The following SMG6 variants were observed in gnomAD, a reference collection of about 807,000 sequenced individuals.
SMG6 encodes SMG6 nonsense mediated mRNA decay factor, also known as telomerase-binding protein EST1A.
SMG6 carries 66 observed loss-of-function variants against 142.2 expected under a neutral mutation model. That is an observed-to-expected ratio of 0.46 (90% CI 0.38 to 0.57). The LOEUF is 0.57. SMG6 is among the 20% of genes least tolerant of loss of function. SMG6 has a pLI of 0.00. For missense variants in SMG6, 1,793 were observed against 1,832.0 expected (o/e 0.98, Z 0.39); for synonymous variants, 779 against 702.4 (o/e 1.11, Z -1.72).
intron 6 of SMG6, among the ~76,000 whole-genome samples, chr17:2,284,550 C>T (rs1008951805): frequency 1.3e-5 from 2 of 152,182 alleles, no homozygotes; most frequent in African/African-American, 2.4e-5. Context: ...TTTTCTCCAA[C>T]TTCATGTACA....
rs372038547 is a variant in SMG6 at position 2,186,693 on chromosome 17, G to A, written c.3125C>T (p.Pro1042Leu). The change falls in exon 12 of 19, where the codon CCT becomes CTT. Residue 1042 changes from proline to leucine, a missense_variant. This residue lies in a region of SMG6 where 1,597 missense variants were observed against 1,584.6 expected (regional missense o/e 1.01). Transcript: ENST00000263073. ...WMLGYPDTWN[P>L]PPTSLDLPSH... The stretch of plus-strand genomic sequence containing the variant: ...GGGCAGATCCAGGGATGTGGGAGGA[G>A]GATTCCAGGTGTCCGGGTAGCCGAG... The A allele has an allele frequency of 4.3e-6, 7 of 1,614,114 alleles. No homozygotes were observed. In the African/African-American group the frequency reaches 8.0e-5, roughly 18 times the overall value.
intron 7 of SMG6, 99 bp from the exon 8 acceptor site, chr17:2,282,958 G>GT: frequency 8.2e-7 from 1 of 1,226,238 alleles, no homozygotes; most frequent in African/African-American, 1.5e-5. Context: ...ATCACTTGAG[G>GT]TCAGGAGTTT....
intron 9 of SMG6, among the ~76,000 whole-genome samples, 175 bp downstream of exon 9, chr17:2,244,483 C>A (rs1312608407): frequency 6.6e-6 from 1 of 152,042 alleles, no homozygotes; most frequent in Admixed American, 6.5e-5. Context: ...GTAATATTTA[C>A]CAAATTTCAT....
intron 10 of SMG6, among the ~76,000 whole-genome samples, chr17:2,207,224 A>G (rs921152405): frequency 1.3e-5 from 2 of 151,890 alleles, no homozygotes; most frequent in African/African-American, 4.8e-5. Context: ...GGAAGCAGTG[A>G]GCCGAGGCCG....
At chr17:2,195,003 C>T (rs2072280258) in intron 10 of SMG6, among the ~76,000 whole-genome samples, 1 of 152,192 alleles carries the variant, frequency 6.6e-6, no homozygotes, top group Admixed American at 6.5e-5. Context: ...AACAAAGACA[C>T]TTCAGGGGGT....
chr17:2,213,214 C>T (rs897134237), intron 10 of SMG6, among the ~76,000 whole-genome samples: 7 of 152,240 alleles, frequency 4.6e-5, no homozygotes, highest in African/African-American at 7.2e-5. Context: ...CAGAACTGCT[C>T]TGCTGAGTGC....
intron 10 of SMG6, among the ~76,000 whole-genome samples, chr17:2,197,754 G>A (rs1422261040): frequency 6.6e-6 from 1 of 152,056 alleles, no homozygotes; most frequent in African/African-American, 2.4e-5. Flanking sequence ...AGCCATTAGG[G>A]AAATGGAAAA....
chr17:2,208,155 T>C (rs2072745134), intron 10 of SMG6, among the ~76,000 whole-genome samples: 1 of 151,770 alleles, frequency 6.6e-6, no homozygotes, highest in Non-Finnish European at 1.5e-5. Flanking sequence ...AAATAAAGGG[T>C]CCCACATCAA....
intron 10 of SMG6, among the ~76,000 whole-genome samples, chr17:2,208,350 G>C (rs1237439656): frequency 6.6e-6 from 1 of 152,100 alleles, no homozygotes; most frequent in Non-Finnish European, 1.5e-5. Flanking sequence ...GATTCTGGCA[G>C]TATTTCTACC....
intron 13 of SMG6, among the ~76,000 whole-genome samples, chr17:2,165,077 C>T (rs2071294489): frequency 1.3e-5 from 2 of 152,268 alleles, no homozygotes; most frequent in East Asian, 1.9e-4. Flanking sequence ...AGGGTTACGA[C>T]AGCTCATGAG....
At chr17:2,296,171 CAT>C (rs1457462237) in intron 4 of SMG6, among the ~76,000 whole-genome samples, 3 of 152,212 alleles carry the variant, frequency 2.0e-5, no homozygotes, top group Non-Finnish European at 4.4e-5. Context: ...TTCGGCATAG[CAT>C]ATGAGAGTTT....
chr17:2,210,049 AG>A, intron 10 of SMG6, among the ~76,000 whole-genome samples: 1 of 152,178 alleles, frequency 6.6e-6, no homozygotes, highest in East Asian at 1.9e-4. Flanking sequence ...TGGTGGGGAG[AG>A]AGAGGGGGTA....
intron 8 of SMG6, among the ~76,000 whole-genome samples, chr17:2,272,911 C>T (rs1272672552): frequency 6.6e-6 from 1 of 150,502 alleles, no homozygotes; most frequent in African/African-American, 2.4e-5. Flanking sequence ...GCATGGGGGA[C>T]AGAGAGAAAC....
chr17:2,127,893 G>A (rs2151536925), intron 13 of SMG6: 1 of 565,902 alleles, frequency 1.8e-6, no homozygotes, highest in South Asian at 1.4e-5. Flanking sequence ...TATCTTTGTA[G>A]ACGATGTCCA....
chr17:2,173,836 T>C (rs1316666088), intron 12 of SMG6, among the ~76,000 whole-genome samples: 1 of 143,070 alleles, frequency 7.0e-6, no homozygotes, highest in Non-Finnish European at 1.5e-5. Context: ...GTGCTGAGGA[T>C]CCATAAAGCT....
Position 2,149,349 on chromosome 17 carries a change from CAAAA to C in SMG6, c.3357+23305_3357+23308del, listed in dbSNP as rs1178295829. Among the ~76,000 whole-genome samples, 616 of 70,918 alleles carry C rather than the reference CAAAA, an allele frequency of 8.7e-3. 7 individuals are homozygous for C. Among genetic ancestry groups the C allele is most frequent in the Middle Eastern group, 0.062 (6 of 96 alleles). The allele number at this position is 70,918 out of a possible 152,430, so 46.5% of individuals were successfully genotyped here. Reference sequence around the variant, plus strand: ...TGGGTGACAGAGCGAGATTCCCCCTCAAAAAAAAAAAAAAAAAAAAAAAAAGGGT... The same window carrying C: ...TGGGTGACAGAGCGAGATTCCCCCTCAAAAAAAAAAAAAAAAAAAAAGGGT... On this transcript the variant is annotated intron_variant, in intron 13 of 18. Coordinates refer to ENST00000263073, the MANE Select transcript of SMG6 (RefSeq NM_017575.5).
intron 10 of SMG6, among the ~76,000 whole-genome samples, chr17:2,230,749 G>A (rs563109726): frequency 7.9e-5 from 12 of 152,208 alleles, no homozygotes; most frequent in Admixed American, 2.0e-4. Flanking sequence ...AGGGAAAGAG[G>A]GCAGAGCTGA....
intron 13 of SMG6, among the ~76,000 whole-genome samples, chr17:2,157,250 G>C (rs571657278): frequency 1.5e-4 from 23 of 152,332 alleles, no homozygotes; most frequent in African/African-American, 4.8e-4. Flanking sequence ...GAGACTCCCA[G>C]GAGAACAGTG....
chr17:2,112,680 A>G (rs1209446139), intron 13 of SMG6, among the ~76,000 whole-genome samples: 1 of 151,674 alleles, frequency 6.6e-6, no homozygotes, highest in Non-Finnish European at 1.5e-5. Flanking sequence ...CTTAAAGCTA[A>G]ATAAATCTGC....
Sources: allele counts gnomAD v4.1 joint callset (sites outside exome capture counted in the v4.1 genomes callset), GRCh38; gene constraint gnomAD v4.1.1; regional missense constraint gnomAD v4.1.1; transcripts MANE v1.5; gene names NCBI Gene and HGNC (gene_info 2026-07-23, HGNC 2026-07-21).